The following PLEKHG7 variants were observed in gnomAD, a reference collection of about 807,000 sequenced individuals.
PLEKHG7 encodes pleckstrin homology and RhoGEF domain containing G7.
Under a neutral mutation model 85.2 loss-of-function variants are expected in PLEKHG7, and 77 were observed. That is an observed-to-expected ratio of 0.90 (90% CI 0.75 to 1.09). PLEKHG7 has a LOEUF of 1.09. Ranked by LOEUF, PLEKHG7 falls within the 50% of genes least tolerant of loss-of-function variation. PLEKHG7 has a pLI of 0.00. For synonymous variants in PLEKHG7, 301 were observed against 302.4 expected (o/e 1.00, Z 0.05); for missense variants, 777 against 804.3 (o/e 0.97, Z 0.41).
At chr12:92,744,856 C>G (rs764598565) in intron 9 of PLEKHG7, among the ~76,000 whole-genome samples, 1 of 151,806 alleles carries the variant, frequency 6.6e-6, no homozygotes. Flanking sequence ...TTATTAGAGA[C>G]GGGGTTTCAA....
At chr12:92,744,063 T>C (rs537664912) in intron 9 of PLEKHG7, among the ~76,000 whole-genome samples, 2 of 152,322 alleles carry the variant, frequency 1.3e-5, no homozygotes, top group Non-Finnish European at 2.9e-5. Flanking sequence ...TTGCTCCCTA[T>C]AGTGTTTTGT....
intron 7 of PLEKHG7, among the ~76,000 whole-genome samples, chr12:92,738,282 T>C (rs1872240063): frequency 6.6e-6 from 1 of 152,190 alleles, no homozygotes; most frequent in South Asian, 2.1e-4. Context: ...AAGAGAACCA[T>C]AGAGCAGCTT....
intron 3 of PLEKHG7, among the ~76,000 whole-genome samples, chr12:92,721,702 C>CAAAAAAAAAA (rs71069170): frequency 9.2e-5 from 4 of 43,368 alleles, no homozygotes; most frequent in Admixed American, 3.5e-4. Context: ...AGCATAAAAC[C>CAAAAAAAAAA]AAAAAAAAAA....
At chr12:92,707,437 G>T (rs755151432) in intron 2 of PLEKHG7, 45 of 1,431,690 alleles carry the variant, frequency 3.1e-5, no homozygotes, top group Non-Finnish European at 4.0e-5. Flanking sequence ...GAGCAATGGG[G>T]GCCCTCTTGC....
At chr12:92,725,037 G>A (rs1277241955) in intron 3 of PLEKHG7, among the ~76,000 whole-genome samples, 1 of 152,026 alleles carries the variant, frequency 6.6e-6, no homozygotes, top group Non-Finnish European at 1.5e-5. Context: ...CAAAACCCCA[G>A]GGAATATAGA....
chr12:92,739,730 C>G (rs1201581074), intron 7 of PLEKHG7, among the ~76,000 whole-genome samples: 1 of 151,880 alleles, frequency 6.6e-6, no homozygotes, highest in East Asian at 1.9e-4. Context: ...TTTTAAATAG[C>G]AAAATTTCTG....
chr12:92,765,560 C>T (rs1279479918), intron 15 of PLEKHG7, among the ~76,000 whole-genome samples: 2 of 150,166 alleles, frequency 1.3e-5, no homozygotes, highest in African/African-American at 2.5e-5. Context: ...ACCCGGGAGG[C>T]GGAGGTTGTG....
chr12:92,715,020 A>ATAGC (rs1871439121), intron 3 of PLEKHG7, among the ~76,000 whole-genome samples: 1 of 54,830 alleles, frequency 1.8e-5, no homozygotes, highest in Non-Finnish European at 4.0e-5. Context: ...AACTAATGGG[A>ATAGC]TAGATAGATA....
chr12:92,721,484 T>C (rs1388439544), intron 3 of PLEKHG7: 1 of 1,228,772 alleles, frequency 8.1e-7, no homozygotes, highest in African/African-American at 1.6e-5. Flanking sequence ...ATGGGACTAG[T>C]CCCTTCGGAT....
chr12:92,721,476 G>T, intron 3 of PLEKHG7: 1 of 1,231,406 alleles, frequency 8.1e-7, no homozygotes, highest in Admixed American at 4.2e-5. Context: ...CAGCAGCCAT[G>T]GGACTAGTCC....
At chr12:92,761,652 A>AAGAAAG in intron 13 of PLEKHG7, 100 bp from the exon 14 acceptor site, 2 of 1,180,430 alleles carry the variant, frequency 1.7e-6, no homozygotes, top group Non-Finnish European at 1.1e-6. Context: ...GAAAGAAAGA[A>AAGAAAG]AGAAAGAAAG....
At chr12:92,705,788 C>T (rs1036357471) in intron 1 of PLEKHG7, among the ~76,000 whole-genome samples, 1 of 152,234 alleles carries the variant, frequency 6.6e-6, no homozygotes, top group Non-Finnish European at 1.5e-5. Flanking sequence ...AAGCCACTCC[C>T]ATGAATCAAG....
rs1441762448 is a variant in PLEKHG7 at position 92,706,946 on chromosome 12, C to T, written c.315C>T (p.His105=). 4 of 1,614,192 alleles carry T rather than the reference C, an allele frequency of 2.5e-6. No homozygotes were observed. The highest frequency in any genetic ancestry group is 2.5e-6 in the Non-Finnish European group (3 of 1,180,038). The change falls in exon 2 of 17, where the codon CAC becomes CAT. Residue 105 remains histidine, a synonymous_variant. Coordinates refer to ENST00000344636, the MANE Select transcript of PLEKHG7 (RefSeq NM_001377329.1). ...ACTTGCTGTCACCCTTGAGACTCCA[C>T]TCAAGATTGACCTCTGAACCTGAAA... is the stretch of plus-strand genomic sequence containing the variant. ...SSHLLSPLRL[H]SRLTSEPERA...
At chr12:92,751,956 G>A (rs1335287937) in intron 10 of PLEKHG7, among the ~76,000 whole-genome samples, 1 of 151,856 alleles carries the variant, frequency 6.6e-6, no homozygotes, top group Non-Finnish European at 1.5e-5. Flanking sequence ...GGTCAAGGCT[G>A]CAGTGAGCCA....
intron 3 of PLEKHG7, among the ~76,000 whole-genome samples, chr12:92,709,616 G>A (rs1287010169): frequency 2.6e-5 from 4 of 152,194 alleles, no homozygotes; most frequent in Non-Finnish European, 4.4e-5. Context: ...TTATTAGATG[G>A]AGCCGGCAGA....
chr12:92,753,149 C>T (rs1462840246), intron 10 of PLEKHG7, among the ~76,000 whole-genome samples: 1 of 152,032 alleles, frequency 6.6e-6, no homozygotes, highest in Non-Finnish European at 1.5e-5. Context: ...GATATTAATC[C>T]CTTTATCGCT....
chr12:92,736,538 A>T lies in PLEKHG7; in HGVS notation c.756A>T (p.Lys252Asn). The T allele has an allele frequency of 8.1e-7, 1 of 1,231,710 alleles. No homozygotes were observed. 76.3% of individuals were successfully genotyped at this position (1,231,710 alleles called of 1,614,324 possible). Reference sequence around the variant, plus strand: ...TGGAAAACTGCCTGTCCTCTGTGAAAATTACCAGCTTCAGGGGCTATGACT... The same window carrying T: ...TGGAAAACTGCCTGTCCTCTGTGAATATTACCAGCTTCAGGGGCTATGACT... Reference protein sequence around the residue: ...SDLENCLSSVKITSFRGYDFY... With the variant: ...SDLENCLSSVNITSFRGYDFY... Residue 252 changes from lysine (K) to asparagine (N), a missense_variant, in exon 6 of 17, where the codon AAA becomes AAT. By Grantham distance (94) the Lys-to-Asn change is moderately conservative (BLOSUM62 0). Transcript: ENST00000344636.
intron 10 of PLEKHG7, 39 bp downstream of exon 10, chr12:92,745,630 T>C (rs2136610583): frequency 6.9e-7 from 1 of 1,446,552 alleles, no homozygotes; most frequent in Non-Finnish European, 9.7e-7. Flanking sequence ...TTTTTGCTGA[T>C]GCTTTTTGGG....
At chr12:92,757,269 T>G (rs7306385) in intron 13 of PLEKHG7, among the ~76,000 whole-genome samples, 62,084 of 152,094 alleles carry the variant, frequency 0.41, 13,383 homozygotes, top group Non-Finnish European at 0.47. Context: ...TTGACACAAA[T>G]TTCATGCCCA....
Sources: allele counts gnomAD v4.1 joint callset (sites outside exome capture counted in the v4.1 genomes callset), GRCh38; gene constraint gnomAD v4.1.1; transcripts MANE v1.5; gene names NCBI Gene and HGNC (gene_info 2026-07-23, HGNC 2026-07-21).